The following ZBTB20 variants were observed in gnomAD, a reference collection of about 807,000 sequenced individuals.
ZBTB20 encodes the protein zinc finger and BTB domain containing 20.
ZBTB20 carries 9 observed loss-of-function variants against 56.9 expected under a neutral mutation model. The observed-to-expected ratio is 0.16, with a 90% confidence interval of 0.10 to 0.28. The LOEUF is 0.28. ZBTB20 is among the 10% of genes least tolerant of loss of function. The pLI is 1.00. For missense variants in ZBTB20, 655 were observed against 1,003.0 expected (o/e 0.65, Z 4.69); for synonymous variants, 417 against 420.7 (o/e 0.99, Z 0.11).
Position 114,337,362 on chromosome 3 carries a change from G to C in ZBTB20, c.*1643C>G, listed in dbSNP as rs1201636788. 6.6e-6 allele frequency: 1 copy of C among 152,150 alleles called. No individual in the cohort carries two copies. Among genetic ancestry groups the C allele is most frequent in the Non-Finnish European group, 1.5e-5 (1 of 68,014 alleles). The allele number at this position is 152,150 out of a possible 1,614,324, so 9.4% of individuals were successfully genotyped here. A position where few individuals can be genotyped will look rare whatever the true frequency, so the allele number is the denominator to read the frequency against. On this transcript the variant is annotated 3_prime_UTR_variant, in exon 12 of 12. Coordinates refer to ENST00000675478, the MANE Select transcript of ZBTB20 (RefSeq NM_001348800.3). ...CTCCTCTTCCTGGCTGATCACAAAA[G>C]AAAAGACCCCATTTATCAAGACTTC...
intron 2 of ZBTB20, among the ~76,000 whole-genome samples, chr3:115,017,432 A>G (rs1187916503): frequency 6.6e-6 from 1 of 151,714 alleles, no homozygotes; most frequent in East Asian, 1.9e-4. Context: ...GAAAGAATTC[A>G]TATCACAAAA....
At chr3:114,628,154 C>T (rs1035955066) in intron 6 of ZBTB20, among the ~76,000 whole-genome samples, 9 of 152,100 alleles carry the variant, frequency 5.9e-5, no homozygotes, top group East Asian at 1.9e-4. Context: ...TCAACAACTC[C>T]GCTCATAGTA....
intron 3 of ZBTB20, among the ~76,000 whole-genome samples, chr3:114,927,588 T>C (rs1028825337): frequency 1.3e-5 from 2 of 152,216 alleles, no homozygotes; most frequent in African/African-American, 4.8e-5. Context: ...GAAGAATTTA[T>C]GTCCACAGTT....
Position 115,006,460 on chromosome 3 carries a change from G to GATATATAT in ZBTB20, c.-506-32052_-506-32045dup, listed in dbSNP as rs142153634. 2.7e-3 allele frequency among the ~76,000 whole-genome samples: 384 copies of GATATATAT among 144,378 alleles called. 2 individuals are homozygous for GATATATAT. Among genetic ancestry groups the GATATATAT allele is most frequent in the African/African-American group, 9.4e-3 (368 of 39,236 alleles). The allele number at this position is 144,378 out of a possible 152,430, so 94.7% of individuals were successfully genotyped here. A position where few individuals can be genotyped will look rare whatever the true frequency, so the allele number is the denominator to read the frequency against. On this transcript the variant is annotated intron_variant, in intron 2 of 11. Coordinates refer to ENST00000675478, the MANE Select transcript of ZBTB20 (RefSeq NM_001348800.3). ...TATAGTCATAAAATTTATCCAGTTG[G>GATATATAT]ATATATATATATATATATATAACCA...
intron 5 of ZBTB20, among the ~76,000 whole-genome samples, chr3:114,738,648 C>T (rs1345620077): frequency 6.6e-6 from 1 of 152,114 alleles, no homozygotes; most frequent in Non-Finnish European, 1.5e-5. Context: ...GTGAAGACAT[C>T]TGGGCACATG....
chr3:114,604,031 A>G (rs2107646265), intron 6 of ZBTB20, among the ~76,000 whole-genome samples: 1 of 152,168 alleles, frequency 6.6e-6, no homozygotes, highest in East Asian at 1.9e-4. Flanking sequence ...TTTGATCAAT[A>G]ATTTTATTTC....
intron 2 of ZBTB20, among the ~76,000 whole-genome samples, chr3:114,997,565 T>TA (rs538543082): frequency 3.4e-4 from 50 of 148,854 alleles, no homozygotes; most frequent in East Asian, 1.8e-3. Flanking sequence ...TTCTTTTCTT[T>TA]AAAAAAAAAA....
At chr3:114,832,196 A>G (rs1324910025) in intron 4 of ZBTB20, among the ~76,000 whole-genome samples, 3 of 152,068 alleles carry the variant, frequency 2.0e-5, no homozygotes, top group African/African-American at 7.2e-5. Context: ...GGCCCAGTCC[A>G]TGCTATCTTG....
chr3:114,988,128 G>C (rs1452213374), intron 2 of ZBTB20, among the ~76,000 whole-genome samples: 1 of 146,642 alleles, frequency 6.8e-6, no homozygotes, highest in East Asian at 2.0e-4. Flanking sequence ...TTAAGTTCTA[G>C]GGTACATGTG....
chr3:114,816,953 T>C (rs967128993), intron 4 of ZBTB20, among the ~76,000 whole-genome samples: 4 of 152,064 alleles, frequency 2.6e-5, no homozygotes, highest in African/African-American at 9.7e-5. Flanking sequence ...CAGTGTAGTT[T>C]CCAAGACAAT....
intron 4 of ZBTB20, among the ~76,000 whole-genome samples, chr3:114,803,514 C>T (rs533337110): frequency 6.6e-6 from 1 of 151,924 alleles, no homozygotes; most frequent in Non-Finnish European, 1.5e-5. Context: ...CGCCAACTCA[C>T]TGTTGGCGAC....
rs1249499818 is a variant in ZBTB20 at position 114,943,819 on chromosome 3, C to G, written c.-456+30547G>C. Among the ~76,000 whole-genome samples the G allele has an allele frequency of 7.2e-5, 10 of 138,142 alleles. 1 individual carries two copies. Among genetic ancestry groups the G allele is most frequent in the African/African-American group, 3.1e-4 (10 of 32,306 alleles). 90.6% of individuals were successfully genotyped at this position (138,142 alleles called of 152,430 possible). A position where few individuals can be genotyped will look rare whatever the true frequency, so the allele number is the denominator to read the frequency against. ...AAGCAAAATTCAAAGCAATAATGGC[C>G]AAGAATTTTCCAAAATTGGCAAAAG... is the stretch of plus-strand genomic sequence containing the variant. On this transcript the variant is annotated intron_variant, in intron 3 of 11. Transcript: ENST00000675478.
intron 4 of ZBTB20, among the ~76,000 whole-genome samples, chr3:114,856,343 T>A (rs926410959): frequency 2.6e-5 from 4 of 152,056 alleles, no homozygotes; most frequent in Non-Finnish European, 4.4e-5. Flanking sequence ...AATGGCAGAG[T>A]TGGCATTGAA....
chr3:114,911,879 A>C (rs2075553943), intron 3 of ZBTB20, among the ~76,000 whole-genome samples: 1 of 151,992 alleles, frequency 6.6e-6, no homozygotes, highest in African/African-American at 2.4e-5. Context: ...AAAGTTCCCA[A>C]ATCCTGGGAG....
At chr3:114,566,293 C>T (rs1194683824) in intron 6 of ZBTB20, among the ~76,000 whole-genome samples, 3 of 152,262 alleles carry the variant, frequency 2.0e-5, no homozygotes, top group East Asian at 1.9e-4. Context: ...AAGGGCATGC[C>T]GAGTTTCCCT....
intron 4 of ZBTB20, among the ~76,000 whole-genome samples, chr3:114,868,275 C>A (rs1371523176): frequency 6.6e-6 from 1 of 152,132 alleles, no homozygotes; most frequent in Non-Finnish European, 1.5e-5. Context: ...AGCATCAGAG[C>A]ACTTGGCAAC....
At chr3:115,143,099 C>G (rs1327858614) in intron 1 of ZBTB20, among the ~76,000 whole-genome samples, 1 of 152,162 alleles carries the variant, frequency 6.6e-6, no homozygotes, top group Non-Finnish European at 1.5e-5. Context: ...AAGTCACAAT[C>G]TCAGCATTAA....
intron 7 of ZBTB20, among the ~76,000 whole-genome samples, chr3:114,448,711 G>T (rs1468108794): frequency 6.6e-6 from 1 of 152,114 alleles, no homozygotes; most frequent in Non-Finnish European, 1.5e-5. Flanking sequence ...AAATTCAGCA[G>T]CATATAAGAC....
At chr3:114,805,907 T>C (rs915147978) in intron 4 of ZBTB20, among the ~76,000 whole-genome samples, 2 of 151,876 alleles carry the variant, frequency 1.3e-5, no homozygotes, top group African/African-American at 2.4e-5. Context: ...TTCTTTTATG[T>C]TGTGGCATGT....
Sources: allele counts gnomAD v4.1 joint callset (sites outside exome capture counted in the v4.1 genomes callset), GRCh38; gene constraint gnomAD v4.1.1; transcripts MANE v1.5; gene names NCBI Gene and HGNC (gene_info 2026-07-23, HGNC 2026-07-21).